Variants in FRMD3 observed in about 807,000 individuals in gnomAD.
FRMD3 encodes FERM domain containing 3.
A neutral mutation model predicts 70.2 loss-of-function variants in FRMD3; 33 were observed. The ratio of observed to expected loss-of-function variants is 0.47; its 90% confidence interval spans 0.36 to 0.63. The LOEUF is 0.63. FRMD3 is among the 20% of genes least tolerant of loss of function. FRMD3 has a pLI of 0.00. For synonymous variants in FRMD3, 279 were observed against 255.9 expected (o/e 1.09, Z -0.86); for missense variants, 632 against 711.4 (o/e 0.89, Z 1.27).
chr9:83,561,869 A>G, the FRMD3 span, among the ~76,000 whole-genome samples: 1 of 152,142 alleles, frequency 6.6e-6, no homozygotes, highest in Non-Finnish European at 1.5e-5. Context: ...ATGCCACCAC[A>G]CATCTCCTAG....
chr9:83,407,621 G>A (rs1336587210), intron 1 of FRMD3, among the ~76,000 whole-genome samples: 3 of 152,158 alleles, frequency 2.0e-5, no homozygotes, highest in Non-Finnish European at 4.4e-5. Context: ...AAGTGTTCTA[G>A]TTATCTGTTC....
chr9:83,556,461 A>AT, the FRMD3 span, among the ~76,000 whole-genome samples: 1 of 152,338 alleles, frequency 6.6e-6, no homozygotes, highest in South Asian at 2.1e-4. Context: ...TTGTCAGAGA[A>AT]ATTATATTTG....
chr9:83,442,543 T>A (rs1253405281), intron 1 of FRMD3, among the ~76,000 whole-genome samples: 2 of 151,872 alleles, frequency 1.3e-5, no homozygotes, highest in East Asian at 3.9e-4. Flanking sequence ...CACATGGAAC[T>A]TACACAGGAG....
chr9:83,497,831 G>A (rs1828975644), intron 1 of FRMD3, among the ~76,000 whole-genome samples: 1 of 152,202 alleles, frequency 6.6e-6, no homozygotes, highest in African/African-American at 2.4e-5. Flanking sequence ...AGACTTTGGG[G>A]TGTTAAGACG....
At chr9:83,375,530 G>A (rs1375913635) in intron 2 of FRMD3, among the ~76,000 whole-genome samples, 2 of 152,206 alleles carry the variant, frequency 1.3e-5, no homozygotes, top group East Asian at 1.9e-4. Flanking sequence ...CAGCAATAAT[G>A]TTTCAAGGAA....
intron 1 of FRMD3, among the ~76,000 whole-genome samples, chr9:83,480,183 A>G (rs1019127839): frequency 2.0e-5 from 3 of 152,244 alleles, no homozygotes; most frequent in Admixed American, 6.5e-5. Context: ...CCTAGAAACA[A>G]TCATGATGCC....
At chr9:83,410,412 G>C (rs1476976099) in intron 1 of FRMD3, among the ~76,000 whole-genome samples, 2 of 152,126 alleles carry the variant, frequency 1.3e-5, no homozygotes, top group Admixed American at 1.3e-4. Flanking sequence ...TTGGTTTTCT[G>C]TTCCTGCATT....
At chr9:83,576,675 C>T in the FRMD3 span, among the ~76,000 whole-genome samples, 1 of 151,960 alleles carries the variant, frequency 6.6e-6, no homozygotes, top group Non-Finnish European at 1.5e-5. Context: ...AAATACTCTC[C>T]CCCATGATCA....
At chr9:83,350,875 A>T (rs1824133642) in intron 3 of FRMD3, 1 of 486,848 alleles carries the variant, frequency 2.1e-6, no homozygotes, top group African/African-American at 2.1e-5. Context: ...GTAATATTAC[A>T]CTGATAAATG....
chr9:83,267,980 C>T (rs989713928), intron 13 of FRMD3, among the ~76,000 whole-genome samples: 8 of 152,070 alleles, frequency 5.3e-5, no homozygotes, highest in Non-Finnish European at 7.4e-5. Flanking sequence ...GATAAGGAAA[C>T]GACAACTTAG....
At chr9:83,404,052 A>G (rs1175012621) in intron 1 of FRMD3, among the ~76,000 whole-genome samples, 1 of 141,624 alleles carries the variant, frequency 7.1e-6, no homozygotes, top group East Asian at 2.1e-4. Context: ...TGCAGTGGGA[A>G]TTCCTGCATA....
chr9:83,479,622 A>AG, intron 1 of FRMD3, among the ~76,000 whole-genome samples: 2 of 61,318 alleles, frequency 3.3e-5, no homozygotes, highest in African/African-American at 1.4e-4. Flanking sequence ...AAGACCCTGA[A>AG]GAAAGGAAGG....
chr9:83,445,718 A>G (rs1165409435), intron 1 of FRMD3, among the ~76,000 whole-genome samples: 1 of 152,228 alleles, frequency 6.6e-6, no homozygotes, highest in African/African-American at 2.4e-5. Flanking sequence ...TGAAAGATTT[A>G]AGGAATGTTT....
At position 83,266,520 on chromosome 9, in the gene FRMD3, AG is replaced by A. The variant is rs372462166; in HGVS notation, c.1196-18005del. Among the ~76,000 whole-genome samples, 290 of 152,358 alleles carry A rather than the reference AG, an allele frequency of 1.9e-3. 1 individual carries two copies. The highest frequency in any genetic ancestry group is 6.7e-3 in the African/African-American group (279 of 41,586). ...TATTTACAATGAAAAGGAAATTGGCAGAAGGTCAGTTCCAATTCTTTGGCCA... is the reference window on the plus strand; with the variant it reads ...TATTTACAATGAAAAGGAAATTGGCAAAGGTCAGTTCCAATTCTTTGGCCA... On this transcript the variant is annotated intron_variant, in intron 13 of 13. Transcript: ENST00000304195.
chr9:83,458,001 A>T (rs1827869988), intron 1 of FRMD3, among the ~76,000 whole-genome samples: 1 of 11,900 alleles, frequency 8.4e-5, no homozygotes, highest in Non-Finnish European at 1.8e-4. Context: ...ATTACCTCTC[A>T]AAAAAAAAAA....
chr9:83,531,619 T>C (rs1157893268), intron 1 of FRMD3, among the ~76,000 whole-genome samples: 2 of 152,198 alleles, frequency 1.3e-5, no homozygotes, highest in Non-Finnish European at 2.9e-5. Context: ...GAATTGTCCT[T>C]ACTAGCAGAA....
At chr9:83,423,056 A>T (rs960279861) in intron 1 of FRMD3, among the ~76,000 whole-genome samples, 1 of 152,212 alleles carries the variant, frequency 6.6e-6, no homozygotes, top group Non-Finnish European at 1.5e-5. Flanking sequence ...AGAGTAATAT[A>T]AAGAAGAGTA....
the FRMD3 span, among the ~76,000 whole-genome samples, chr9:83,559,690 T>C: frequency 6.6e-6 from 1 of 152,190 alleles, no homozygotes; most frequent in Non-Finnish European, 1.5e-5. Flanking sequence ...GACTTGAAAG[T>C]AGCCATTTCA....
chr9:83,560,483 C>G, the FRMD3 span, among the ~76,000 whole-genome samples: 1 of 152,170 alleles, frequency 6.6e-6, no homozygotes, highest in Admixed American at 6.5e-5. Context: ...TTAATCGGAG[C>G]CTTCCAGTTC....
Sources: allele counts gnomAD v4.1 joint callset (sites outside exome capture counted in the v4.1 genomes callset), GRCh38; gene constraint gnomAD v4.1.1; transcripts MANE v1.5; gene names NCBI Gene and HGNC (gene_info 2026-07-23, HGNC 2026-07-21).